DMD: variants seen among roughly 807,000 people sequenced by gnomAD.
DMD encodes the protein dystrophin.
In DMD, 63 loss-of-function variants were observed where a neutral mutation model predicts 330.1. The observed-to-expected ratio is 0.19, with a 90% CI of 0.16 to 0.24. The LOEUF is 0.24. Ranked by LOEUF, DMD falls within the 10% of genes least tolerant of loss-of-function variation. The probability of loss-of-function intolerance (pLI) is 1.00; values close to 1 mark genes in which losing one functional copy is unlikely to be tolerated. For missense variants in DMD, 3,344 were observed against 2,684.1 expected (o/e 1.25, Z -5.43); for synonymous variants, 1,223 against 959.8 (o/e 1.27, Z -5.07).
intron 2 of DMD, among the ~76,000 whole-genome samples, chrX:32,963,946 T>C (rs1329996060): frequency 9.0e-6 from 1 of 111,549 alleles, no homozygotes; most frequent in African/African-American, 3.3e-5. Flanking sequence ...AACTGGATGA[T>C]AATAAATAAA....
At chrX:32,998,668 T>C (rs2093195452) in intron 2 of DMD, among the ~76,000 whole-genome samples, 1 of 106,820 alleles carries the variant, frequency 9.4e-6, no homozygotes, top group Admixed American at 1.0e-4. Context: ...CACACACAAA[T>C]GCTACATATA....
chrX:31,890,941 C>T (rs1245113281), intron 47 of DMD, among the ~76,000 whole-genome samples: 1 of 111,709 alleles, frequency 9.0e-6, no homozygotes, highest in Non-Finnish European at 1.9e-5. Context: ...ACATAACTCA[C>T]ATTTATCTTT....
intron 1 of DMD, among the ~76,000 whole-genome samples, chrX:33,025,073 T>C (rs1375017683): frequency 1.8e-5 from 2 of 112,161 alleles, no homozygotes; most frequent in African/African-American, 6.5e-5. Flanking sequence ...ATGAAACATT[T>C]TGCATAAACA....
intron 62 of DMD, among the ~76,000 whole-genome samples, chrX:31,291,002 T>C (rs964871428): frequency 1.8e-5 from 2 of 112,389 alleles, no homozygotes; most frequent in African/African-American, 6.4e-5. Flanking sequence ...AATGAAAATA[T>C]TCTAGTTATT....
chrX:32,293,814 T>C (rs1451857621), intron 42 of DMD, among the ~76,000 whole-genome samples: 4 of 111,898 alleles, frequency 3.6e-5, no homozygotes, highest in Non-Finnish European at 7.5e-5. Context: ...TGCACATGTA[T>C]TCCTGAATCT....
chrX:33,163,618 C>CTCTA (rs74647711), intron 1 of DMD, among the ~76,000 whole-genome samples: 5,894 of 24,770 alleles, frequency 0.24, 185 homozygotes, highest in Middle Eastern at 0.38. Context: ...CTATATCTAT[C>CTCTA]TCTATCTATC....
At chrX:31,339,716 C>G (rs2057615708) in intron 61 of DMD, among the ~76,000 whole-genome samples, 1 of 111,675 alleles carries the variant, frequency 9.0e-6, no homozygotes, top group Admixed American at 9.5e-5. Flanking sequence ...GCTGGGATTA[C>G]AGATGCATGC....
intron 64 of DMD, 149 bp downstream of exon 64, chrX:31,222,898 G>T: frequency 1.9e-6 from 1 of 518,411 alleles, no homozygotes; most frequent in Non-Finnish European, 3.4e-6. Flanking sequence ...CAAACTCTAG[G>T]CCAAGGATAC....
intron 44 of DMD, among the ~76,000 whole-genome samples, chrX:32,055,667 C>A (rs892952277): frequency 7.2e-5 from 8 of 111,579 alleles, no homozygotes; most frequent in Non-Finnish European, 1.3e-4. Context: ...TAAAAAAATT[C>A]TTCAAAAGTA....
At chrX:33,062,429 C>A (rs2094592273) in intron 1 of DMD, among the ~76,000 whole-genome samples, 1 of 112,271 alleles carries the variant, frequency 8.9e-6, no homozygotes, top group Non-Finnish European at 1.9e-5. Context: ...ATATTTGTTT[C>A]TTCCTGGAAT....
At chrX:32,498,452 T>C (rs1186627695) in intron 19 of DMD, among the ~76,000 whole-genome samples, 2 of 110,757 alleles carry the variant, frequency 1.8e-5, no homozygotes, top group East Asian at 5.6e-4. Context: ...TTTAGTAGCT[T>C]CTCTTTTTAG....
chrX:32,009,658 T>A (rs921537230), intron 44 of DMD, among the ~76,000 whole-genome samples: 1 of 111,733 alleles, frequency 8.9e-6, no homozygotes, highest in Non-Finnish European at 1.9e-5. Flanking sequence ...GATAACTAAT[T>A]CACTTGAAGA....
intron 7 of DMD, among the ~76,000 whole-genome samples, chrX:32,717,627 C>G (rs1390512067): frequency 9.0e-6 from 1 of 111,509 alleles, no homozygotes; most frequent in Non-Finnish European, 1.9e-5. Flanking sequence ...GGGGCACTGC[C>G]TACTTGAGCT....
At chrX:31,582,685 T>C (rs1430911576) in intron 55 of DMD, among the ~76,000 whole-genome samples, 2 of 111,871 alleles carry the variant, frequency 1.8e-5, no homozygotes, top group Non-Finnish European at 3.8e-5. Context: ...TTAAGCCCTT[T>C]AGTCACCCTA....
chrX:32,432,803 G>A (rs761390449), intron 29 of DMD, among the ~76,000 whole-genome samples: 16 of 111,931 alleles, frequency 1.4e-4, no homozygotes, highest in African/African-American at 3.9e-4. Context: ...ATGTTCTTCC[G>A]TTCTGGTCTA....
intron 30 of DMD, among the ~76,000 whole-genome samples, chrX:32,395,217 C>G (rs1377809061): frequency 9.0e-6 from 1 of 111,464 alleles, no homozygotes; most frequent in Non-Finnish European, 1.9e-5. Flanking sequence ...TAATCTTATT[C>G]GTATGTTGAT....
intron 9 of DMD, among the ~76,000 whole-genome samples, chrX:32,656,461 G>T (rs1475413058): frequency 1.8e-5 from 2 of 112,010 alleles, no homozygotes; most frequent in Non-Finnish European, 3.8e-5. Flanking sequence ...ATCCATCCTT[G>T]TGTTTTTGTT....
chrX:32,810,742 G>A (rs2077309394), intron 6 of DMD, among the ~76,000 whole-genome samples: 1 of 111,509 alleles, frequency 9.0e-6, no homozygotes, highest in Admixed American at 9.6e-5. Context: ...AGTTGCCAGA[G>A]TGATCTGTTA....
chrX:32,935,030 G>A (rs1241823899), intron 2 of DMD, among the ~76,000 whole-genome samples: 4 of 113,174 alleles, frequency 3.5e-5, no homozygotes, highest in African/African-American at 1.3e-4. Flanking sequence ...CCAGGCTGGA[G>A]CGCAGTGGCG....
Sources: gnomAD v4.1 joint callset for allele counts (sites outside exome capture counted in the v4.1 genomes callset) on GRCh38, gnomAD v4.1.1 for gene constraint, MANE v1.5 for transcripts, NCBI Gene and HGNC (gene_info 2026-07-23, HGNC 2026-07-21) for gene names.